ATP9B: variants seen among roughly 807,000 people sequenced by gnomAD.
ATP9B encodes the protein ATPase phospholipid transporting 9B.
Under a neutral mutation model 146.1 loss-of-function variants are expected in ATP9B, and 110 were observed. The ratio of observed to expected loss-of-function variants is 0.75; its 90% CI spans 0.65 to 0.88. ATP9B has a LOEUF of 0.88. Among genes scored for constraint, ATP9B ranks in the 40% least tolerant of loss-of-function variants. The probability of loss-of-function intolerance (pLI) is 0.00; values close to 1 mark genes in which losing one functional copy is unlikely to be tolerated. For synonymous variants in ATP9B, 604 were observed against 569.7 expected, an observed-to-expected ratio of 1.06 and a Z score of -0.86; for missense variants, 1,499 against 1,496.4, an observed-to-expected ratio of 1.00 and a Z score of -0.03.
At chr18:79,106,029 A>G (rs561964087) in intron 2 of ATP9B, among the ~76,000 whole-genome samples, 2 of 152,320 alleles carry the variant, frequency 1.3e-5, no homozygotes, top group South Asian at 4.1e-4. Context: ...ATGTGTTAAT[A>G]TGCTTTGTTT....
intron 12 of ATP9B, among the ~76,000 whole-genome samples, chr18:79,272,037 C>A (rs2096261264): frequency 6.6e-6 from 1 of 152,298 alleles, no homozygotes; most frequent in African/African-American, 2.4e-5. Context: ...TAAATGTCTT[C>A]TTTTGAGAAG....
At chr18:79,105,060 C>T (rs2075563907) in intron 2 of ATP9B, among the ~76,000 whole-genome samples, 1 of 152,132 alleles carries the variant, frequency 6.6e-6, no homozygotes, top group Non-Finnish European at 1.5e-5. Context: ...TGTCCTACTG[C>T]CATATGGGAT....
chr18:79,309,860 G>A (rs2096643019), intron 15 of ATP9B, among the ~76,000 whole-genome samples: 1 of 152,206 alleles, frequency 6.6e-6, no homozygotes, highest in African/African-American at 2.4e-5. Flanking sequence ...TGCAAAGTGA[G>A]TGTAGGTTCC....
intron 15 of ATP9B, among the ~76,000 whole-genome samples, chr18:79,319,566 T>C (rs2096703871): frequency 6.6e-6 from 1 of 152,186 alleles, no homozygotes; most frequent in African/African-American, 2.4e-5. Flanking sequence ...CTCCTCATTG[T>C]TTCCTTCCCT....
chr18:79,305,563 T>G (rs1445851359), intron 14 of ATP9B, among the ~76,000 whole-genome samples: 5 of 152,204 alleles, frequency 3.3e-5, no homozygotes, highest in Non-Finnish European at 5.9e-5. Flanking sequence ...GGAATCTATT[T>G]CTGCGTTGAA....
intron 13 of ATP9B, among the ~76,000 whole-genome samples, chr18:79,295,985 A>G (rs538409505): frequency 1.3e-5 from 2 of 152,114 alleles, no homozygotes; most frequent in Admixed American, 6.5e-5. Flanking sequence ...TTTTAATTTT[A>G]ATTTTTATTT....
chr18:79,354,852 C>T (rs2096942208), intron 25 of ATP9B, among the ~76,000 whole-genome samples: 1 of 152,220 alleles, frequency 6.6e-6, no homozygotes, highest in African/African-American at 2.4e-5. Context: ...GAGGTCCCAG[C>T]CTCTCCAACC....
chr18:79,133,079 G>T (rs922906898), intron 5 of ATP9B, among the ~76,000 whole-genome samples: 2 of 151,930 alleles, frequency 1.3e-5, no homozygotes, highest in Non-Finnish European at 2.9e-5. Context: ...TTTAGTAGAG[G>T]CAGGGTTTCA....
chr18:79,352,008 G>A (rs2096924915), intron 25 of ATP9B, among the ~76,000 whole-genome samples: 1 of 152,144 alleles, frequency 6.6e-6, no homozygotes, highest in African/African-American at 2.4e-5. Flanking sequence ...GTGCAGCATT[G>A]TGCACTTTGG....
chr18:79,352,373 C>T (rs540126232), intron 25 of ATP9B: 3 of 152,154 alleles, frequency 2.0e-5, no homozygotes, highest in Admixed American at 6.5e-5. Flanking sequence ...CCTGCAGGAA[C>T]GGGAGGCTCT....
chr18:79,226,862 C>G (rs115651639), intron 11 of ATP9B, among the ~76,000 whole-genome samples: 3 of 152,138 alleles, frequency 2.0e-5, no homozygotes, highest in Non-Finnish European at 4.4e-5. Flanking sequence ...TTGACTGACA[C>G]CCGCTGTGTG....
chr18:79,355,874 G>A (rs1568806733), intron 25 of ATP9B, among the ~76,000 whole-genome samples: 1 of 152,202 alleles, frequency 6.6e-6, no homozygotes, highest in African/African-American at 2.4e-5. Flanking sequence ...CAGCCAGTGA[G>A]GAGACGGGGT....
At chr18:79,105,125 A>T (rs1026038939) in intron 2 of ATP9B, among the ~76,000 whole-genome samples, 1 of 152,224 alleles carries the variant, frequency 6.6e-6, no homozygotes, top group Non-Finnish European at 1.5e-5. Flanking sequence ...TACCTGCTAC[A>T]CTGAGAAATC....
In ATP9B at chr18:79,091,493, C is replaced by G. The variant is rs117594377; in HGVS notation, c.120-4983C>G. 4.6e-5 allele frequency among the ~76,000 whole-genome samples: 7 copies of G among 152,226 alleles called. No homozygotes were observed. In the East Asian group the frequency reaches 1.3e-3, roughly 29 times the overall value. ...TATAGTTTTCATCATAGAGATCTTT[C>G]ACTTCTTCGGTGAAGTTAATTCCTA... On this transcript the variant is annotated intron_variant, in intron 1 of 29. Transcript: ENST00000426216.
rs1262901997 is a variant in ATP9B, at chr18:79,110,453, C to A, written c.392C>A (p.Pro131His). 1 of 1,612,772 alleles carries A rather than the reference C, an allele frequency of 6.2e-7. No individual in the cohort carries two copies. The highest frequency in any genetic ancestry group is 8.5e-7 in the Non-Finnish European group (1 of 1,179,246). The change falls in exon 3 of 30, where the codon CCC becomes CAC. Residue 131 changes from proline (P) to histidine (H), a missense_variant. By Grantham distance (77) the Pro-to-His change is moderately conservative (BLOSUM62 -2). Transcript: ENST00000426216. ...CCTGAAAAGTGTGAAGAAAAACATCCCAGGAATTCTATAAAAAATCAAAAA... is the reference window on the plus strand; with the variant it reads ...CCTGAAAAGTGTGAAGAAAAACATCACAGGAATTCTATAAAAAATCAAAAA... The part of the protein sequence containing the change: ...GCPEKCEEKH[P>H]RNSIKNQKYN...
chr18:79,346,043 C>T (rs1407931934), intron 23 of ATP9B, among the ~76,000 whole-genome samples: 1 of 148,750 alleles, frequency 6.7e-6, no homozygotes, highest in Non-Finnish European at 1.5e-5. Context: ...AGCACACACT[C>T]GGTACACGCT....
intron 10 of ATP9B, chr18:79,209,675 G>T (rs1293800456): frequency 2.0e-6 from 2 of 985,118 alleles, no homozygotes; most frequent in African/African-American, 3.5e-5. Context: ...TCTTCCTAGT[G>T]GGCATGAAGA....
chr18:79,149,568 G>T (rs952281146), intron 6 of ATP9B, among the ~76,000 whole-genome samples: 1 of 152,084 alleles, frequency 6.6e-6, no homozygotes, highest in Non-Finnish European at 1.5e-5. Context: ...TTGATAAATT[G>T]CATATCATTA....
rs2096243031 is a variant in ATP9B at position 79,270,336 on chromosome 18, ACT to A, written c.1269-6717_1269-6716del. Among the ~76,000 whole-genome samples the A allele has an allele frequency of 4.6e-5, 7 of 151,976 alleles. No individual in the cohort carries two copies. In the South Asian group the frequency reaches 1.5e-3, roughly 31 times the overall value. ...TGTGTGTGTCTGTGTGTGTGTGTAC[ACT>A]GTGTATATGTTTGTACTGCTATACA... On this transcript the variant is annotated intron_variant, in intron 12 of 29. Coordinates refer to ENST00000426216, the MANE Select transcript of ATP9B (RefSeq NM_198531.5).
Sources: allele counts gnomAD v4.1 joint callset (sites outside exome capture counted in the v4.1 genomes callset), GRCh38; gene constraint gnomAD v4.1.1; transcripts MANE v1.5; gene names NCBI Gene and HGNC (gene_info 2026-07-23, HGNC 2026-07-21).